The following CTNNA3 variants were observed in gnomAD, a reference collection of about 807,000 sequenced individuals.
CTNNA3 encodes the protein catenin alpha-3.
CTNNA3 carries 76 observed loss-of-function variants against 95.7 expected under a neutral mutation model. The observed-to-expected ratio is 0.79, with a 90% CI of 0.66 to 0.96. The LOEUF (loss-of-function observed/expected upper bound fraction) is 0.96. CTNNA3 is among the 40% of genes least tolerant of loss of function. The probability of loss-of-function intolerance (pLI) is 0.00; values close to 1 mark genes in which losing one functional copy is unlikely to be tolerated. For missense variants in CTNNA3, 1,191 were observed against 1,089.8 expected (o/e 1.09, Z -1.31); for synonymous variants, 431 against 374.4 (o/e 1.15, Z -1.74).
At chr10:66,677,931 T>C (rs2394290) in intron 9 of CTNNA3, among the ~76,000 whole-genome samples, 83,748 of 151,470 alleles carry the variant, frequency 0.55, 23,854 homozygotes, top group African/African-American at 0.68. Context: ...ATTCTAAGGT[T>C]CCTTCCAGCT....
chr10:66,647,597 G>A (rs745842562), intron 9 of CTNNA3, among the ~76,000 whole-genome samples: 1 of 149,680 alleles, frequency 6.7e-6, no homozygotes, highest in Non-Finnish European at 1.5e-5. Flanking sequence ...TGCAAGCTCC[G>A]CCTCCTGGGT....
intron 11 of CTNNA3, among the ~76,000 whole-genome samples, chr10:66,415,329 AG>A (rs1343826019): frequency 2.2e-5 from 2 of 90,998 alleles, no homozygotes; most frequent in African/African-American, 4.2e-5. Context: ...CTACCCACAC[AG>A]CAGCTACTAC....
chr10:67,559,738 A>G (rs1322978521), intron 3 of CTNNA3, among the ~76,000 whole-genome samples: 1 of 152,174 alleles, frequency 6.6e-6, no homozygotes, highest in African/African-American at 2.4e-5. Flanking sequence ...AAAAACTTTG[A>G]AAAAAATATA....
At chr10:66,853,260 A>G (rs1843560346) in intron 7 of CTNNA3, among the ~76,000 whole-genome samples, 2 of 152,096 alleles carry the variant, frequency 1.3e-5, no homozygotes, top group Non-Finnish European at 2.9e-5. Flanking sequence ...TATATGGCTC[A>G]CAAAGGCTAA....
At chr10:66,221,871 C>T (rs535942536) in intron 13 of CTNNA3, among the ~76,000 whole-genome samples, 5 of 152,142 alleles carry the variant, frequency 3.3e-5, no homozygotes, top group Non-Finnish European at 7.4e-5. Context: ...TTACAAAGAC[C>T]TTGTATTTAG....
chr10:66,490,182 C>T (rs1311055809), intron 11 of CTNNA3, among the ~76,000 whole-genome samples: 1 of 152,068 alleles, frequency 6.6e-6, no homozygotes, highest in African/African-American at 2.4e-5. Flanking sequence ...CCTCTGAAGC[C>T]TTTACCATTT....
intron 5 of CTNNA3, among the ~76,000 whole-genome samples, chr10:67,335,332 TGAACAG>T (rs1392768359): frequency 2.6e-5 from 4 of 152,150 alleles, no homozygotes; most frequent in Non-Finnish European, 4.4e-5. Context: ...CCCACAACCC[TGAACAG>T]GAATAAGCAG....
At chr10:66,449,287 T>C (rs2093446410) in intron 11 of CTNNA3, among the ~76,000 whole-genome samples, 1 of 152,086 alleles carries the variant, frequency 6.6e-6, no homozygotes, top group Non-Finnish European at 1.5e-5. Flanking sequence ...TTATCCATTT[T>C]TTGGTGTTTC....
At chr10:66,606,819 G>A (rs1303134019) in intron 10 of CTNNA3, among the ~76,000 whole-genome samples, 1 of 152,060 alleles carries the variant, frequency 6.6e-6, no homozygotes. Flanking sequence ...ACATCAAAAA[G>A]TTAGAAAGAT....
intron 11 of CTNNA3, among the ~76,000 whole-genome samples, chr10:66,447,450 C>G (rs993218973): frequency 7.5e-6 from 1 of 133,710 alleles, no homozygotes; most frequent in African/African-American, 3.0e-5. Context: ...GTAACCAAAA[C>G]AGCATGGTAC....
intron 5 of CTNNA3, among the ~76,000 whole-genome samples, chr10:67,278,960 T>A (rs1839290664): frequency 6.6e-6 from 1 of 152,130 alleles, no homozygotes; most frequent in African/African-American, 2.4e-5. Context: ...TAAAATCAGA[T>A]CTCAGTCCTC....
chr10:66,633,873 A>T (rs1845243470), intron 9 of CTNNA3, among the ~76,000 whole-genome samples: 1 of 152,116 alleles, frequency 6.6e-6, no homozygotes, highest in South Asian at 2.1e-4. Flanking sequence ...CACTATATTA[A>T]CAGTGAAATT....
At chr10:67,495,512 G>A (rs1023528565) in intron 5 of CTNNA3, among the ~76,000 whole-genome samples, 17 of 152,104 alleles carry the variant, frequency 1.1e-4, no homozygotes, top group Non-Finnish European at 1.5e-5. Context: ...TCCTACCCTG[G>A]AGGAATGGGC....
intron 5 of CTNNA3, among the ~76,000 whole-genome samples, chr10:67,514,180 A>T (rs1173194850): frequency 6.6e-6 from 1 of 152,128 alleles, no homozygotes; most frequent in Non-Finnish European, 1.5e-5. Context: ...GATGCCTGTA[A>T]TTCCAGCTAC....
intron 5 of CTNNA3, among the ~76,000 whole-genome samples, chr10:67,382,908 T>C (rs1315752659): frequency 6.6e-6 from 1 of 152,136 alleles, no homozygotes; most frequent in East Asian, 1.9e-4. Context: ...TCATTCATTA[T>C]CACAAAGACT....
At chr10:66,479,096 T>C (rs1050505246) in intron 11 of CTNNA3, among the ~76,000 whole-genome samples, 9 of 151,994 alleles carry the variant, frequency 5.9e-5, no homozygotes, top group African/African-American at 2.2e-4. Context: ...GAGATTTGCA[T>C]CTAGTTACAT....
At chr10:67,404,795 T>G (rs774813532) in intron 5 of CTNNA3, among the ~76,000 whole-genome samples, 10 of 151,986 alleles carry the variant, frequency 6.6e-5, no homozygotes, top group Non-Finnish European at 1.3e-4. Context: ...ATAAAAAATG[T>G]CAAAGGCCAC....
chr10:67,180,657 C>A (rs911905289), intron 6 of CTNNA3, 137 bp from the exon 7 acceptor site: 1 of 671,266 alleles, frequency 1.5e-6, no homozygotes, highest in Non-Finnish European at 2.6e-6. Context: ...TCGGCTGGTT[C>A]ACACATAATG....
intron 9 of CTNNA3, among the ~76,000 whole-genome samples, chr10:66,675,088 A>G (rs1232420507): frequency 2.0e-5 from 3 of 152,018 alleles, no homozygotes; most frequent in African/African-American, 7.2e-5. Flanking sequence ...GGGGTTAAAC[A>G]ACGCTACAGC....
Sources: gnomAD v4.1 joint callset for allele counts (sites outside exome capture counted in the v4.1 genomes callset) on GRCh38, gnomAD v4.1.1 for gene constraint, MANE v1.5 for transcripts, NCBI Gene and HGNC (gene_info 2026-07-23, HGNC 2026-07-21) for gene names.